STRADB: variants seen among roughly 807,000 people sequenced by gnomAD.
The protein encoded by STRADB is STE20-related kinase adapter protein beta.
A neutral mutation model predicts 52.1 loss-of-function variants in STRADB; 34 were observed. The ratio of observed to expected loss-of-function variants is 0.65; its 90% CI spans 0.50 to 0.87. STRADB has a LOEUF of 0.87. STRADB is among the 40% of genes least tolerant of loss of function. The pLI is 0.00. For synonymous variants in STRADB, 133 were observed against 174.5 expected (o/e 0.76, Z 1.87); for missense variants, 340 against 483.9 (o/e 0.70, Z 2.79).
intron 10 of STRADB, chr2:201,479,243 A>C: frequency 2.4e-6 from 1 of 415,766 alleles, no homozygotes; most frequent in Non-Finnish European, 4.3e-6. Flanking sequence ...CTGCTACCCT[A>C]CTAAGTTACT....
At chr2:201,465,323 C>G (rs1952284000) in intron 3 of STRADB, among the ~76,000 whole-genome samples, 1 of 152,174 alleles carries the variant, frequency 6.6e-6, no homozygotes, top group Non-Finnish European at 1.5e-5. Context: ...TGGATCCTGC[C>G]AGAACTAGGT....
intron 7 of STRADB, 68 bp downstream of exon 7, chr2:201,475,810 G>A: frequency 6.7e-6 from 10 of 1,496,840 alleles, no homozygotes; most frequent in Non-Finnish European, 9.0e-6. Context: ...GGAGGTTTTA[G>A]GAAGGAGCAG....
chr2:201,461,127 T>TG (rs1350259519), intron 3 of STRADB, among the ~76,000 whole-genome samples: 1 of 152,164 alleles, frequency 6.6e-6, no homozygotes, highest in African/African-American at 2.4e-5. Flanking sequence ...TGATCAGTGA[T>TG]GTTGGGCACT....
At chr2:201,454,899 T>G in intron 2 of STRADB, 47 bp downstream of exon 2, 1 of 1,553,946 alleles carries the variant, frequency 6.4e-7, no homozygotes, top group South Asian at 1.2e-5. Flanking sequence ...TCAGAGTAGT[T>G]GGATGTTAAT....
intron 3 of STRADB, among the ~76,000 whole-genome samples, chr2:201,459,460 A>G (rs1316276786): frequency 1.3e-5 from 2 of 152,188 alleles, no homozygotes; most frequent in African/African-American, 4.8e-5. Flanking sequence ...ATGAAAACTC[A>G]TCTACTATGT....
At chr2:201,468,085 C>CTTTTTTTTTTTTTTTTTTT (rs536551120) in intron 3 of STRADB, among the ~76,000 whole-genome samples, 2 of 71,034 alleles carry the variant, frequency 2.8e-5, no homozygotes, top group South Asian at 4.3e-4. Context: ...TTTTTTTTTT[C>CTTTTTTTTTTTTTTTTTTT]TTTTTTTTTT....
chr2:201,468,057 A>G lies in STRADB; in HGVS notation c.94-1896A>G, dbSNP rs530721296. 3.7e-5 allele frequency among the ~76,000 whole-genome samples: 4 copies of G among 109,074 alleles called. No individual in the cohort carries two copies. In the East Asian group the frequency reaches 1.0e-3, roughly 28 times the overall value. 71.6% of individuals were successfully genotyped at this position (109,074 alleles called of 152,430 possible). On this transcript the variant is annotated intron_variant, in intron 3 of 11. Coordinates refer to ENST00000194530, the MANE Select transcript of STRADB (RefSeq NM_018571.6). ...GGGCCCAGTTTTCTAGCTGTTCAGG[A>G]TGATTGTGAGTCCTGCCTTTTTTTT...
At chr2:201,460,782 T>A (rs1037567003) in intron 3 of STRADB, 2 of 372,014 alleles carry the variant, frequency 5.4e-6, no homozygotes, top group African/African-American at 4.1e-5. Flanking sequence ...ACACTTAAGT[T>A]TCTTCCAAGT....
rs1191664805 is a variant in STRADB at position 201,480,364 on chromosome 2, T to C, written c.*189T>C. The stretch of plus-strand genomic sequence containing the variant: ...AGTCCCTCTGTTTCGCACAGAGTAC[T>C]ATGACAAGGAAACATCAGAATTACT... On this transcript the variant is annotated 3_prime_UTR_variant, in exon 12 of 12. Coordinates refer to ENST00000194530, the MANE Select transcript of STRADB (RefSeq NM_018571.6). The C allele has an allele frequency of 1.4e-6, 2 of 1,388,016 alleles. No homozygotes were observed. The highest frequency in any genetic ancestry group is 1.9e-6 in the Non-Finnish European group (2 of 1,074,432). 86.0% of individuals were successfully genotyped at this position (1,388,016 alleles called of 1,614,324 possible). A position where few individuals can be genotyped will look rare whatever the true frequency, so the allele number is the denominator to read the frequency against.
intron 9 of STRADB, 38 bp downstream of exon 9, chr2:201,478,229 A>C: frequency 3.1e-6 from 5 of 1,600,604 alleles, no homozygotes; most frequent in Non-Finnish European, 4.3e-6. Context: ...CTTGCCTTTC[A>C]TAAGACTGCT....
chr2:201,479,905 T>C (rs1952543129), intron 11 of STRADB, 127 bp from the exon 12 acceptor site: 1 of 1,181,328 alleles, frequency 8.5e-7, no homozygotes, highest in Non-Finnish European at 1.2e-6. Context: ...AAAGGCAGTT[T>C]TAGGGGAAAT....
At chr2:201,468,617 C>A (rs1489897868) in intron 3 of STRADB, among the ~76,000 whole-genome samples, 2 of 152,168 alleles carry the variant, frequency 1.3e-5, no homozygotes, top group African/African-American at 4.8e-5. Flanking sequence ...TTAAATAAGA[C>A]TAATTCCCCA....
In STRADB at chr2:201,472,960, G is replaced by A; in HGVS notation, c.199G>A (p.Gly67Arg). 6.2e-7 allele frequency: 1 copy of A among 1,600,714 alleles called. No homozygotes were observed. Among genetic ancestry groups the A allele is most frequent in the Non-Finnish European group, 8.5e-7 (1 of 1,174,424 alleles). The stretch of plus-strand genomic sequence containing the variant: ...AGTTTTATGTCTGATTACAGGAAGA[G>A]GATTTGACAACTTGACTTCTGTCCA... ...HYELQVEIGR[G>R]FDNLTSVHLA... Residue 67 changes from glycine to arginine, a missense_variant, in exon 5 of 12, where the codon GGA becomes AGA. Transcript: ENST00000194530.
chr2:201,455,494 A>G (rs1054620948), intron 2 of STRADB, among the ~76,000 whole-genome samples: 1 of 152,168 alleles, frequency 6.6e-6, no homozygotes, highest in Admixed American at 6.5e-5. Flanking sequence ...CTAGAGAATC[A>G]GTTGAACCCA....
intron 3 of STRADB, among the ~76,000 whole-genome samples, chr2:201,465,755 G>T (rs933730112): frequency 1.1e-4 from 17 of 152,238 alleles, no homozygotes; most frequent in African/African-American, 4.1e-4. Context: ...TGTGGTGGCA[G>T]ACAAGGCTTG....
At chr2:201,470,543 A>T (rs978782387) in intron 4 of STRADB, among the ~76,000 whole-genome samples, 1 of 152,262 alleles carries the variant, frequency 6.6e-6, no homozygotes, top group Non-Finnish European at 1.5e-5. Context: ...ATTTAGAAAC[A>T]TCTATTAAAC....
Position 201,479,525 on chromosome 2 carries a change from C to T in STRADB, c.1107C>T (p.Phe369=), listed in dbSNP as rs771839882. 18 of 1,602,502 alleles carry T rather than the reference C, an allele frequency of 1.1e-5. No homozygotes were observed. The South Asian group carries it at 2.0e-4, about 17-fold the overall frequency. Residue 369 remains phenylalanine (F), a synonymous_variant, in exon 11 of 12, where the codon TTC becomes TTT. Coordinates refer to ENST00000194530, the MANE Select transcript of STRADB (RefSeq NM_018571.6). ...SASSLLSHVF[F]KQMKEESQDS... ...GCAGTTTATTGTCCCATGTTTTCTT[C>T]AAACAGGTGAGCTGATCTATCATCC...
intron 5 of STRADB, among the ~76,000 whole-genome samples, chr2:201,473,661 A>G (rs1559467543): frequency 6.6e-6 from 1 of 152,202 alleles, no homozygotes; most frequent in South Asian, 2.1e-4. Flanking sequence ...TCAAAATGCT[A>G]GTCTGGAGTT....
rs374727442 is a variant in STRADB at position 201,473,060 on chromosome 2, G to A, written c.299G>A (p.Arg100His). 10 of 1,612,344 alleles carry A rather than the reference G, an allele frequency of 6.2e-6. No homozygotes were observed. The highest frequency in any genetic ancestry group is 2.7e-5 in the African/African-American group (2 of 74,794). The part of the protein sequence containing the change: ...ITNLENCNEE[R>H]LKALQKAVIL... Reference sequence around the variant, plus strand: ...AATCTGGAAAACTGCAATGAAGAACGCCTGAAAGCTTTACAGGTAACAATA... The same window carrying A: ...AATCTGGAAAACTGCAATGAAGAACACCTGAAAGCTTTACAGGTAACAATA... Residue 100 changes from arginine to histidine, a missense_variant, in exon 5 of 12, where the codon CGC becomes CAC. Arg to His is a conservative substitution (Grantham distance 29, BLOSUM62 0). Transcript: ENST00000194530.
Sources: gnomAD v4.1 joint callset for allele counts (sites outside exome capture counted in the v4.1 genomes callset) on GRCh38, gnomAD v4.1.1 for gene constraint, MANE v1.5 for transcripts, NCBI Gene and HGNC (gene_info 2026-07-23, HGNC 2026-07-21) for gene names.